Variants in CHRM3 observed in about 807,000 individuals in gnomAD.
CHRM3 encodes muscarinic acetylcholine receptor M3.
Under a neutral mutation model 41.8 loss-of-function variants are expected in CHRM3, and 11 were observed. The ratio of observed to expected loss-of-function variants is 0.26; its 90% CI spans 0.17 to 0.44. The LOEUF is 0.44. CHRM3 is among the 20% of genes least tolerant of loss of function. The probability of loss-of-function intolerance (pLI) is 1.00; values close to 1 mark genes in which losing one functional copy is unlikely to be tolerated. For synonymous variants in CHRM3, 297 were observed against 301.4 expected, an observed-to-expected ratio of 0.99 and a Z score of 0.15; for missense variants, 571 against 745.4, an observed-to-expected ratio of 0.77 and a Z score of 2.72.
chr1:239,403,078 T>C (rs1422024277), intron 1 of CHRM3, among the ~76,000 whole-genome samples: 1 of 152,214 alleles, frequency 6.6e-6, no homozygotes, highest in African/African-American at 2.4e-5. Flanking sequence ...TTCTCACATC[T>C]ATTATAACAT....
chr1:239,832,456 G>A (rs1011272779), intron 6 of CHRM3, among the ~76,000 whole-genome samples: 9 of 126,992 alleles, frequency 7.1e-5, no homozygotes, highest in African/African-American at 1.9e-4. Flanking sequence ...TTCCTTACTT[G>A]ACCATGCTAA....
At chr1:239,540,906 A>G (rs1658711229) in intron 2 of CHRM3, among the ~76,000 whole-genome samples, 2 of 152,194 alleles carry the variant, frequency 1.3e-5, no homozygotes, top group African/African-American at 4.8e-5. Context: ...AACAGCTACC[A>G]TTTATTAACT....
In CHRM3 at chr1:239,515,033, C is replaced by T. The variant is rs114248846; in HGVS notation, c.-422+22226C>T. Among the ~76,000 whole-genome samples the T allele has an allele frequency of 6.7e-3, 1,016 of 152,040 alleles. 15 individuals carry two copies. The highest frequency in any genetic ancestry group is 0.023 in the African/African-American group (940 of 41,488). ...CACACATTTTTGTCAGCACATATGTCGTATATTTTTGTAGAAATAACAGAA... is the reference window on the plus strand; with the variant it reads ...CACACATTTTTGTCAGCACATATGTTGTATATTTTTGTAGAAATAACAGAA... On this transcript the variant is annotated intron_variant, in intron 2 of 6. Coordinates refer to ENST00000676153, the MANE Select transcript of CHRM3 (RefSeq NM_001375978.1).
At chr1:239,606,814 T>C (rs1386397455) in intron 3 of CHRM3, among the ~76,000 whole-genome samples, 1 of 152,126 alleles carries the variant, frequency 6.6e-6, no homozygotes, top group Non-Finnish European at 1.5e-5. Flanking sequence ...AACTTTAAAT[T>C]CTAATGGAAA....
intron 3 of CHRM3, among the ~76,000 whole-genome samples, chr1:239,623,078 A>G (rs1347610106): frequency 2.0e-5 from 3 of 152,188 alleles, no homozygotes; most frequent in Admixed American, 6.5e-5. Context: ...ATAACTCTAT[A>G]AAGGCTCAGA....
At chr1:239,588,194 G>A (rs1182901514) in intron 3 of CHRM3, among the ~76,000 whole-genome samples, 5 of 152,162 alleles carry the variant, frequency 3.3e-5, no homozygotes, top group African/African-American at 7.2e-5. Context: ...ACCAACCCCT[G>A]CAGCTCCCAG....
At chr1:239,652,124 C>G (rs1672301813) in intron 4 of CHRM3, among the ~76,000 whole-genome samples, 2 of 152,038 alleles carry the variant, frequency 1.3e-5, no homozygotes, top group South Asian at 4.1e-4. Context: ...GTTCAAGGCT[C>G]AGCTTTTTGA....
At chr1:239,821,233 T>C (rs1160245989) in intron 5 of CHRM3, among the ~76,000 whole-genome samples, 1 of 152,250 alleles carries the variant, frequency 6.6e-6, no homozygotes, top group Non-Finnish European at 1.5e-5. Flanking sequence ...ACCAACACTT[T>C]CGATGAAGCT....
At chr1:239,868,156 G>T (rs1229616533) in intron 6 of CHRM3, among the ~76,000 whole-genome samples, 4 of 152,214 alleles carry the variant, frequency 2.6e-5, no homozygotes, top group African/African-American at 7.2e-5. Flanking sequence ...AGGTACTATT[G>T]TGTGGGTGAG....
chr1:239,620,478 G>C (rs751256927), intron 3 of CHRM3, among the ~76,000 whole-genome samples: 4 of 152,052 alleles, frequency 2.6e-5, no homozygotes, highest in Admixed American at 6.6e-5. Context: ...GTATGGGTAG[G>C]TAGATAGATA....
chr1:239,509,213 T>G (rs1668767104), intron 2 of CHRM3, among the ~76,000 whole-genome samples: 2 of 152,344 alleles, frequency 1.3e-5, no homozygotes, highest in Admixed American at 6.5e-5. Context: ...TATATTTAGT[T>G]AATTTTATTT....
At chr1:239,807,065 G>T (rs1670716092) in intron 5 of CHRM3, among the ~76,000 whole-genome samples, 1 of 152,268 alleles carries the variant, frequency 6.6e-6, no homozygotes, top group Non-Finnish European at 1.5e-5. Flanking sequence ...GTTGGTATTA[G>T]ATGATTGCAT....
At chr1:239,709,230 C>CA (rs1477202764) in intron 5 of CHRM3, among the ~76,000 whole-genome samples, 1 of 152,138 alleles carries the variant, frequency 6.6e-6, no homozygotes, top group Non-Finnish European at 1.5e-5. Flanking sequence ...TTCTTGAGCA[C>CA]TTGAAGCTTG....
chr1:239,729,518 A>G (rs577339143), intron 5 of CHRM3, among the ~76,000 whole-genome samples: 3 of 152,106 alleles, frequency 2.0e-5, no homozygotes, highest in South Asian at 4.1e-4. Context: ...AACAGTTGAC[A>G]TTACTTGTTG....
At chr1:239,404,719 A>AATATTT in intron 1 of CHRM3, among the ~76,000 whole-genome samples, 1 of 97,340 alleles carries the variant, frequency 1.0e-5, no homozygotes, top group South Asian at 4.2e-4. Context: ...GCTATATCTA[A>AATATTT]ATATATATAT....
intron 3 of CHRM3, among the ~76,000 whole-genome samples, chr1:239,578,847 T>G (rs1662609293): frequency 6.6e-6 from 1 of 152,142 alleles, no homozygotes; most frequent in African/African-American, 2.4e-5. Flanking sequence ...GTTCCCCGAG[T>G]GCTTCTTAAG....
At chr1:239,786,200 G>A (rs1668880960) in intron 5 of CHRM3, among the ~76,000 whole-genome samples, 1 of 152,052 alleles carries the variant, frequency 6.6e-6, no homozygotes, top group African/African-American at 2.4e-5. Flanking sequence ...TCAAGATGCA[G>A]TCTGATTTAA....
chr1:239,539,315 G>A (rs1429904057), intron 2 of CHRM3, among the ~76,000 whole-genome samples: 1 of 152,168 alleles, frequency 6.6e-6, no homozygotes, highest in African/African-American at 2.4e-5. Flanking sequence ...AGCAGTTAGT[G>A]ACACTGGTTA....
In CHRM3 at chr1:239,440,071, G is replaced by A. The variant is rs10157873; in HGVS notation, c.-520-52638G>A. 1.2e-3 allele frequency among the ~76,000 whole-genome samples: 176 copies of A among 151,938 alleles called. 1 individual carries two copies. Among genetic ancestry groups the A allele is most frequent in the African/African-American group, 4.0e-3 (167 of 41,448 alleles). ...AAATTAGCCAGCCATGGTGGTGTGC[G>A]CCTATAATCCCAGCTACTCAGGAAG... On this transcript the variant is annotated intron_variant, in intron 1 of 6. Coordinates refer to ENST00000676153, the MANE Select transcript of CHRM3 (RefSeq NM_001375978.1).
Sources: allele counts gnomAD v4.1 joint callset (sites outside exome capture counted in the v4.1 genomes callset), GRCh38; gene constraint gnomAD v4.1.1; transcripts MANE v1.5; gene names NCBI Gene and HGNC (gene_info 2026-07-23, HGNC 2026-07-21).